The following TAF1C variants were observed in gnomAD, a reference collection of about 807,000 sequenced individuals.
TAF1C encodes TATA-box binding protein associated factor, RNA polymerase I subunit C.
A neutral mutation model predicts 70.5 loss-of-function variants in TAF1C; 79 were observed. The observed-to-expected ratio is 1.12, with a 90% CI of 0.93 to 1.35. The LOEUF (loss-of-function observed/expected upper bound fraction) is 1.35, where lower values mean the gene tolerates loss of function less well. Ranked by LOEUF, TAF1C falls within the 40% of genes most tolerant of loss-of-function variation. The pLI is 0.00. For missense variants in TAF1C, 1,412 were observed against 1,127.8 expected (o/e 1.25, Z -3.61); for synonymous variants, 614 against 491.1 (o/e 1.25, Z -3.31).
In TAF1C at chr16:84,184,840, T is replaced by C; in HGVS notation, c.138+11A>G. The C allele has an allele frequency of 6.3e-7, 1 of 1,594,370 alleles. No individual in the cohort carries two copies. The highest frequency in any genetic ancestry group is 8.5e-7 in the Non-Finnish European group (1 of 1,170,646). On this transcript the variant is annotated intron_variant, in intron 2 of 14. Transcript: ENST00000566732. ...CCTGGAGCTGCCAGGGCCCCCTGCC[T>C]GCATCCTCACCTCTGAGTTCTGGGG...
chr16:84,186,630 G>C (rs1268825703), intron 1 of TAF1C, among the ~76,000 whole-genome samples: 2 of 152,244 alleles, frequency 1.3e-5, no homozygotes, highest in Non-Finnish European at 2.9e-5. Flanking sequence ...GGAGGGCGCT[G>C]GTGGAGAGCA....
At chr16:84,185,907 A>G (rs2089455718) in intron 1 of TAF1C, among the ~76,000 whole-genome samples, 1 of 152,222 alleles carries the variant, frequency 6.6e-6, no homozygotes, top group Non-Finnish European at 1.5e-5. Flanking sequence ...TCTCAAGAAA[A>G]AAAAAAATTA....
chr16:84,179,755 A>G lies in TAF1C; in HGVS notation c.1718T>C (p.Leu573Pro), dbSNP rs2089011518. 1 of 1,609,878 alleles carries G rather than the reference A, an allele frequency of 6.2e-7. No homozygotes were observed. Among genetic ancestry groups the G allele is most frequent in the South Asian group, 1.1e-5 (1 of 90,752 alleles). ...SAAGDVFYQQ[L>P]RPQVDSSLRR... ...GAGGCTGGAGTCCACCTGGGGGCGG[A>G]GCTGCTGGTAGAAGACATCTCCCGC... The change falls in exon 15 of 15, where the codon CTC (leucine) becomes CCC (proline). Residue 573 changes from leucine (L) to proline (P), a missense_variant. Coordinates refer to ENST00000566732, the MANE Select transcript of TAF1C (RefSeq NM_001243156.2).
chr16:84,179,063 C>T lies in TAF1C; in HGVS notation c.2410G>A (p.Gly804Ser), dbSNP rs778278102. 1.9e-6 allele frequency: 3 copies of T among 1,610,738 alleles called. No individual in the cohort carries two copies. In the South Asian group the frequency reaches 3.3e-5, roughly 18 times the overall value. Reference protein sequence around the residue: ...AKLPPQRDTPGCATTPPHSQA... With the variant: ...AKLPPQRDTPSCATTPPHSQA... ...GAGTGGGGAGGTGTGGTGGCACAGC[C>T]TGGGGTGTCCCTCTGGGGTGGTAGC... Residue 804 changes from glycine to serine, a missense_variant, in exon 15 of 15, where the codon GGC becomes AGC. Physicochemically the swap from Gly to Ser is moderately conservative, Grantham distance 56. Transcript: ENST00000566732.
chr16:84,183,856 C>G (rs2089341828), intron 2 of TAF1C, 78 bp from the exon 3 acceptor site: 12 of 1,069,836 alleles, frequency 1.1e-5, no homozygotes, highest in Non-Finnish European at 1.7e-5. Context: ...GCATTCATCT[C>G]TTATCAACTC....
rs762397305 is a variant in TAF1C at position 84,178,958 on chromosome 16, G to C, written c.2515C>G (p.Pro839Ala). 1.9e-6 allele frequency: 3 copies of C among 1,608,448 alleles called. No individual in the cohort carries two copies. Among genetic ancestry groups the C allele is most frequent in the Non-Finnish European group, 2.5e-6 (3 of 1,178,656 alleles). Residue 839 changes from proline (P) to alanine (A), a missense_variant, in exon 15 of 15, where the codon CCT (proline) becomes GCT (alanine). Coordinates refer to ENST00000566732, the MANE Select transcript of TAF1C (RefSeq NM_001243156.2). ...LSSSQPLRKK[P>A]RMGF is the part of the protein sequence containing the mutation. ...TTGTGTCCTCAGAAGCCCATTCGAGGCTTCTTCCGGAGGGGCTGAGAGCTA... is the reference window on the plus strand; with the variant it reads ...TTGTGTCCTCAGAAGCCCATTCGAGCCTTCTTCCGGAGGGGCTGAGAGCTA...
rs745482338 is a variant in TAF1C at position 84,178,952 on chromosome 16, T to C, written c.2521A>G (p.Met841Val). 16 of 1,606,392 alleles carry C rather than the reference T, an allele frequency of 1.0e-5. No individual in the cohort carries two copies. The East Asian group carries it at 2.5e-4, about 25-fold the overall frequency. ...SSQPLRKKPR[M>V]GF ...CCCACCTTGTGTCCTCAGAAGCCCA[T>C]TCGAGGCTTCTTCCGGAGGGGCTGA... The change falls in exon 15 of 15, where the codon ATG becomes GTG. Residue 841 changes from methionine (M) to valine (V), a missense_variant. Coordinates refer to ENST00000566732, the MANE Select transcript of TAF1C (RefSeq NM_001243156.2).
Position 84,179,148 on chromosome 16 carries a change from ATCCGGAGTCAAC to A in TAF1C, c.2313_2324del (p.Glu771_Pro774del). 6.2e-7 allele frequency: 1 copy of A among 1,607,272 alleles called. No homozygotes were observed. Among genetic ancestry groups the A allele is most frequent in the African/African-American group, 1.3e-5 (1 of 75,050 alleles). ...CTGATGGGACGCCCTGGGCGCATGCATCCGGAGTCAACTCCTGGGAGGGCGGGGTCGTGGGGG... is the reference window on the plus strand; with the variant it reads ...CTGATGGGACGCCCTGGGCGCATGCATCCTGGGAGGGCGGGGTCGTGGGGG... On this transcript the variant is annotated inframe_deletion, in exon 15 of 15. Coordinates refer to ENST00000566732, the MANE Select transcript of TAF1C (RefSeq NM_001243156.2).
intron 12 of TAF1C, chr16:84,180,826 A>C (rs2089133400): frequency 8.0e-6 from 11 of 1,374,502 alleles, no homozygotes; most frequent in Non-Finnish European, 1.0e-5. Flanking sequence ...TGCACCTCGA[A>C]GCTCTACTAA....
rs1051244118 is a variant in TAF1C, at chr16:84,180,044, T to C, written c.1523A>G (p.Gln508Arg). The C allele has an allele frequency of 6.2e-7, 1 of 1,606,216 alleles. No homozygotes were observed. Among genetic ancestry groups the C allele is most frequent in the South Asian group, 1.1e-5 (1 of 90,242 alleles). Residue 508 changes from glutamine (Q) to arginine (R), a missense_variant, in exon 14 of 15, where the codon CAG (glutamine) becomes CGG (arginine). Gln to Arg is a conservative substitution (Grantham distance 43). Transcript: ENST00000566732. Reference sequence around the variant, plus strand: ...GGAGTCGATCCTGGAAGGAAGAGACTGGGGGGGGCCTGCCAGGCGGGGCAC... The same window carrying C: ...GGAGTCGATCCTGGAAGGAAGAGACCGGGGGGGGCCTGCCAGGCGGGGCAC... Reference protein sequence around the residue: ...ASVPRLAGPPQSLPSRIDSLP... With the variant: ...ASVPRLAGPPRSLPSRIDSLP...
chr16:84,181,864 C>T lies in TAF1C; in HGVS notation c.839-1G>A, dbSNP rs1316991642. On this transcript the variant is annotated splice_acceptor_variant, in intron 8 of 14. Transcript: ENST00000566732. LOFTEE classifies it high-confidence loss of function. ...TAGTCAGAGCGGACGGCCAGCAGAGCTGAGGAGGGATGGAAAGGGCCAGGG... is the reference window on the plus strand; with the variant it reads ...TAGTCAGAGCGGACGGCCAGCAGAGTTGAGGAGGGATGGAAAGGGCCAGGG... The T allele has an allele frequency of 1.2e-6, 2 of 1,614,136 alleles. No individual in the cohort carries two copies. Among genetic ancestry groups the T allele is most frequent in the South Asian group, 2.2e-5 (2 of 91,082 alleles).
chr16:84,180,972 T>C lies in TAF1C; in HGVS notation c.1308+71A>G, dbSNP rs114624915. The C allele has an allele frequency of 1.1e-3, 1,707 of 1,514,420 alleles. 17 individuals are homozygous for C. In the African/African-American group the frequency reaches 0.019, roughly 17 times the overall value. 93.8% of individuals were successfully genotyped at this position (1,514,420 alleles called of 1,614,324 possible). On this transcript the variant is annotated intron_variant, in intron 12 of 14. Coordinates refer to ENST00000566732, the MANE Select transcript of TAF1C (RefSeq NM_001243156.2). ...TGTCTGGGCCCAGCAGAGCCGCTGG[T>C]AAGCAGCAGCCTCTAGTGACCATCT...
In TAF1C at chr16:84,180,285, A is replaced by G; in HGVS notation, c.1368T>C (p.His456=). 1 of 1,549,714 alleles carries G rather than the reference A, an allele frequency of 6.5e-7. No homozygotes were observed. The highest frequency in any genetic ancestry group is 2.4e-5 in the East Asian group (1 of 41,146). ...CCAGCAGGAGCGGGGAGGGGAGGCC[A>G]TGGTTCCACTTCAGCATCGGCACCA... The part of the protein sequence containing the change: ...LPLVPMLKWN[H]GLPSPLLLAR... Residue 456 remains histidine, a synonymous_variant, in exon 13 of 15, where the codon CAT becomes CAC. Transcript: ENST00000566732.
At position 84,178,868 on chromosome 16, in the gene TAF1C, G is replaced by A. The variant is rs1397225568; in HGVS notation, c.*73C>T. ...GAGCTCTGCTTCTCAAGTTTCAACT[G>A]TGGAAGGCACATCTGGTCCCAGAGG... On this transcript the variant is annotated 3_prime_UTR_variant, in exon 15 of 15. Coordinates refer to ENST00000566732, the MANE Select transcript of TAF1C (RefSeq NM_001243156.2). The A allele has an allele frequency of 6.8e-7, 1 of 1,468,138 alleles. No homozygotes were observed. Among genetic ancestry groups the A allele is most frequent in the Non-Finnish European group, 9.1e-7 (1 of 1,099,856 alleles). The allele number at this position is 1,468,138 out of a possible 1,614,324, so 90.9% of individuals were successfully genotyped here.
In TAF1C at chr16:84,183,279, G is replaced by T; in HGVS notation, c.373C>A (p.Leu125Met). 2.5e-6 allele frequency: 4 copies of T among 1,613,952 alleles called. No individual in the cohort carries two copies. Among genetic ancestry groups the T allele is most frequent in the African/African-American group, 1.3e-5 (1 of 75,038 alleles). Residue 125 changes from leucine to methionine, a missense_variant, in exon 5 of 15, where the codon CTG (leucine) becomes ATG (methionine). Physicochemically the swap from Leu to Met is conservative, Grantham distance 15. Coordinates refer to ENST00000566732, the MANE Select transcript of TAF1C (RefSeq NM_001243156.2). ...GDVAFAPLGK[L>M]MLENFKLEGA... The stretch of plus-strand genomic sequence containing the variant: ...TCCAGCTTGAAATTCTCCAGCATCA[G>T]CTTCCCCAGGGGCGCAAAGGCTACG...
chr16:84,186,141 G>T (rs1022557051), intron 1 of TAF1C, among the ~76,000 whole-genome samples: 1 of 152,246 alleles, frequency 6.6e-6, no homozygotes, highest in African/African-American at 2.4e-5. Flanking sequence ...TAGTCCAACA[G>T]CTCTTAGCTG....
chr16:84,184,270 G>A (rs367725483), intron 2 of TAF1C, among the ~76,000 whole-genome samples: 3 of 152,110 alleles, frequency 2.0e-5, no homozygotes, highest in African/African-American at 4.8e-5. Context: ...ACCCTCCCTC[G>A]TAAGGATGCC....
chr16:84,180,939 T>C, intron 12 of TAF1C, 104 bp downstream of exon 12: 1 of 1,460,068 alleles, frequency 6.8e-7, no homozygotes, highest in Admixed American at 2.6e-5. Context: ...TTTGGTTTGC[T>C]GGGTGGTTGT....
chr16:84,183,154 A>G lies in TAF1C; in HGVS notation c.409-5T>C. On this transcript the variant is annotated splice_region_variant and splice_polypyrimidine_tract_variant and intron_variant, in intron 5 of 14. Transcript: ENST00000566732. ...TGTCTTCTTCTTAGTGCGGCTCTGC[A>G]TGGAAAGGCCTTGTCAGGCTCACAC... is the stretch of plus-strand genomic sequence containing the variant. The G allele has an allele frequency of 6.2e-7, 1 of 1,613,952 alleles. No individual in the cohort carries two copies. Among genetic ancestry groups the G allele is most frequent in the South Asian group, 1.1e-5 (1 of 91,074 alleles).
Sources: gnomAD v4.1 joint callset for allele counts (sites outside exome capture counted in the v4.1 genomes callset) on GRCh38, gnomAD v4.1.1 for gene constraint, MANE v1.5 for transcripts, NCBI Gene and HGNC (gene_info 2026-07-23, HGNC 2026-07-21) for gene names.